ING5: variants seen among roughly 807,000 people sequenced by gnomAD.
ING5 encodes inhibitor of growth family member 5.
In ING5, 17 loss-of-function variants were observed where a neutral mutation model predicts 37.4. The observed-to-expected ratio is 0.45, with a 90% CI of 0.31 to 0.68. The LOEUF (loss-of-function observed/expected upper bound fraction) is 0.68, where lower values mean the gene tolerates loss of function less well. ING5 is among the 30% of genes least tolerant of loss of function. ING5 has a pLI of 0.05. For synonymous variants in ING5, 123 were observed against 116.6 expected (o/e 1.06, Z -0.36); for missense variants, 233 against 311.9 (o/e 0.75, Z 1.91).
chr2:241,703,494 A>G (rs2069808061), intron 1 of ING5, among the ~76,000 whole-genome samples: 1 of 152,194 alleles, frequency 6.6e-6, no homozygotes, highest in Admixed American at 6.5e-5. Context: ...CGCTAGCCAC[A>G]GGGACTATTT....
Position 241,721,168 on chromosome 2 carries a change from G to C in ING5, c.483-1771G>C, listed in dbSNP as rs1001242264. ...GCTCTCCGCGGGTGAGAGGTGACTC[G>C]AGGAGACCGCAGGAGCCCCTTGGAG... On this transcript the variant is annotated intron_variant, in intron 5 of 7. Transcript: ENST00000313552. 1.7e-5 allele frequency: 17 copies of C among 985,556 alleles called. No homozygotes were observed. The East Asian group carries it at 1.7e-3, about 99-fold the overall frequency. 61.1% of individuals were successfully genotyped at this position (985,556 alleles called of 1,614,324 possible). A position where few individuals can be genotyped will look rare whatever the true frequency, so the allele number is the denominator to read the frequency against.
chr2:241,710,176 G>A (rs1214398473), intron 3 of ING5, among the ~76,000 whole-genome samples: 5 of 151,934 alleles, frequency 3.3e-5, no homozygotes, highest in Non-Finnish European at 7.4e-5. Flanking sequence ...GTGCTATCTC[G>A]GCTCACTGCA....
intron 5 of ING5, among the ~76,000 whole-genome samples, chr2:241,712,728 G>T (rs1166807713): frequency 6.6e-6 from 1 of 152,046 alleles, no homozygotes; most frequent in African/African-American, 2.4e-5. Flanking sequence ...ACAGAGGGAG[G>T]GTCAAAGAGT....
chr2:241,711,633 G>A, intron 4 of ING5, 145 bp downstream of exon 4: 1 of 663,456 alleles, frequency 1.5e-6, no homozygotes, highest in Non-Finnish European at 2.5e-6. Context: ...GGGTGTGGTG[G>A]CTTACGCCTG....
rs938161438 is a variant in ING5 at position 241,722,726 on chromosome 2, C to T, written c.483-213C>T. ...TGACTGCAGTGGCTGGCCCTGGAGTCGCATTCATTTCTAAAGGACAATGGG... is the reference window on the plus strand; with the variant it reads ...TGACTGCAGTGGCTGGCCCTGGAGTTGCATTCATTTCTAAAGGACAATGGG... On this transcript the variant is annotated intron_variant, in intron 5 of 7. Coordinates refer to ENST00000313552, the MANE Select transcript of ING5 (RefSeq NM_032329.6). 1.3e-5 allele frequency: 13 copies of T among 985,206 alleles called. No homozygotes were observed. In the African/African-American group the frequency reaches 1.6e-4, roughly 12 times the overall value. The allele number at this position is 985,206 out of a possible 1,614,324, so 61.0% of individuals were successfully genotyped here. A position where few individuals can be genotyped will look rare whatever the true frequency, so the allele number is the denominator to read the frequency against.
intron 2 of ING5, among the ~76,000 whole-genome samples, chr2:241,691,378 G>C (rs1267561105): frequency 4.6e-5 from 7 of 152,004 alleles, no homozygotes. Flanking sequence ...GGTGGAGGTT[G>C]CAGTGAGCTG....
chr2:241,704,848 G>A, intron 2 of ING5, 124 bp downstream of exon 2: 1 of 758,562 alleles, frequency 1.3e-6, no homozygotes, highest in Non-Finnish European at 2.4e-6. Flanking sequence ...GCCTAGCCCT[G>A]GGCCGTGGGT....
chr2:241,698,816 C>T (rs2069670275), upstream of ING5, among the ~76,000 whole-genome samples: 2 of 152,048 alleles, frequency 1.3e-5, no homozygotes, highest in South Asian at 4.1e-4. Flanking sequence ...GCAGCCTCTG[C>T]CTCCTGGGTT....
At chr2:241,712,224 G>A in intron 5 of ING5, 153 bp downstream of exon 5, 1 of 640,762 alleles carries the variant, frequency 1.6e-6, no homozygotes. Flanking sequence ...TCGTCAGCCT[G>A]TCCTCACCGC....
chr2:241,714,418 G>T (rs1031807404), intron 5 of ING5, among the ~76,000 whole-genome samples: 1 of 152,008 alleles, frequency 6.6e-6, no homozygotes, highest in African/African-American at 2.4e-5. Context: ...ATTTCTTCTC[G>T]AGTCAGTTTT....
At chr2:241,697,328 G>T (rs1213000082), upstream of ING5, among the ~76,000 whole-genome samples, 2 of 150,980 alleles carry the variant, frequency 1.3e-5, no homozygotes, top group Non-Finnish European at 3.0e-5. Flanking sequence ...CCAGCTACTC[G>T]GGAGGCTGAG....
At chr2:241,705,098 G>A (rs187541265) in intron 2 of ING5, among the ~76,000 whole-genome samples, 61 of 151,580 alleles carry the variant, frequency 4.0e-4, no homozygotes, top group Non-Finnish European at 7.2e-4. Context: ...TTTTTGAGAC[G>A]GAGTCTTGCT....
chr2:241,701,385 C>G (rs997813475), upstream of ING5, among the ~76,000 whole-genome samples: 3 of 152,242 alleles, frequency 2.0e-5, no homozygotes, highest in African/African-American at 4.8e-5. Context: ...CTGCCTGCCT[C>G]GAGAGGTGGC....
intron 3 of ING5, 139 bp from the exon 4 acceptor site, chr2:241,711,238 C>T: frequency 2.0e-6 from 1 of 494,958 alleles, no homozygotes; most frequent in South Asian, 5.1e-5. Context: ...AATAGTGGGC[C>T]TTGTTTTAGC....
rs184214401 is a variant in ING5 at position 241,705,123 on chromosome 2, G to A, written c.109+399G>A. 2.8e-4 allele frequency among the ~76,000 whole-genome samples: 42 copies of A among 152,054 alleles called. No homozygotes were observed. In the East Asian group the frequency reaches 7.1e-3, roughly 26 times the overall value. On this transcript the variant is annotated intron_variant, in intron 2 of 7. Transcript: ENST00000313552. Reference sequence around the variant, plus strand: ...GGAGTCTTGCTTTGTCGCCCAGTCCGGAGTGCAGTGACGTGATCTCAGCTC... The same window carrying A: ...GGAGTCTTGCTTTGTCGCCCAGTCCAGAGTGCAGTGACGTGATCTCAGCTC...
At chr2:241,724,329 G>C (rs1414297408) in intron 7 of ING5, among the ~76,000 whole-genome samples, 1 of 152,222 alleles carries the variant, frequency 6.6e-6, no homozygotes, top group Non-Finnish European at 1.5e-5. Context: ...CCGTGCGGCT[G>C]GGGGATGGTG....
At chr2:241,721,681 G>T in intron 5 of ING5, 1 of 985,440 alleles carries the variant, frequency 1.0e-6, no homozygotes, top group Non-Finnish European at 1.2e-6. Flanking sequence ...ATATTCGTGG[G>T]TTGGAGGGTG....
chr2:241,723,117 G>C, intron 6 of ING5, 43 bp downstream of exon 6: 2 of 1,614,152 alleles, frequency 1.2e-6, no homozygotes, highest in Non-Finnish European at 1.7e-6. Context: ...GCGGGGTCTT[G>C]TGTGGGGCAG....
upstream of ING5, chr2:241,687,068 G>C: frequency 5.0e-6 from 2 of 399,786 alleles, no homozygotes; most frequent in Non-Finnish European, 8.7e-6. Context: ...CCTTCGCTCC[G>C]GGAGGGGAGG....
Sources: gnomAD v4.1 joint callset for allele counts (sites outside exome capture counted in the v4.1 genomes callset) on GRCh38, gnomAD v4.1.1 for gene constraint, MANE v1.5 for transcripts, NCBI Gene and HGNC (gene_info 2026-07-23, HGNC 2026-07-21) for gene names.